Variants in IGHMBP2 observed in about 807,000 individuals in gnomAD.
The protein encoded by IGHMBP2 is immunoglobulin mu DNA binding protein 2.
Under a neutral mutation model 96.0 loss-of-function variants are expected in IGHMBP2, and 81 were observed. The observed-to-expected ratio is 0.84, with a 90% confidence interval of 0.71 to 1.01. The LOEUF is 1.01. Ranked by LOEUF, IGHMBP2 falls within the 50% of genes least tolerant of loss-of-function variation. The pLI is 0.00. For missense variants in IGHMBP2, 1,227 were observed against 1,306.3 expected, an observed-to-expected ratio of 0.94 and a Z score of 0.94; for synonymous variants, 557 against 548.9, an observed-to-expected ratio of 1.01 and a Z score of -0.21.
At position 68,903,961 on chromosome 11, in the gene IGHMBP2, G is replaced by A. The variant is rs1324605518; in HGVS notation, c.9G>A (p.Ser3=). 6.4e-7 allele frequency: 1 copy of A among 1,563,026 alleles called. No homozygotes were observed. The highest frequency in any genetic ancestry group is 8.7e-7 in the Non-Finnish European group (1 of 1,153,848). Residue 3 remains serine, a synonymous_variant, in exon 1 of 15, where the codon TCG becomes TCA. Transcript: ENST00000255078. ...CCAGGCCGGCGGCGGCGATGGCCTC[G>A]GCAGCTGTGGAGAGCTTCGTGACCA... MA[S]AAVESFVTKQ... is the part of the protein sequence containing the mutation.
intron 7 of IGHMBP2, among the ~76,000 whole-genome samples, chr11:68,925,572 C>A (rs1463362002): frequency 1.3e-5 from 2 of 152,138 alleles, no homozygotes; most frequent in African/African-American, 4.8e-5. Flanking sequence ...ATGTAGTTGC[C>A]TTTATTTCTT....
At chr11:68,920,556 C>A (rs1057021244) in intron 7 of IGHMBP2, among the ~76,000 whole-genome samples, 4 of 152,360 alleles carry the variant, frequency 2.6e-5, no homozygotes, top group African/African-American at 9.6e-5. Context: ...AATCATGGCT[C>A]CCTGCAGCCT....
chr11:68,936,199 C>T, intron 12 of IGHMBP2, 38 bp from the exon 13 acceptor site: 1 of 1,610,884 alleles, frequency 6.2e-7, no homozygotes, highest in Middle Eastern at 1.7e-4. Flanking sequence ...GTTTCTTAGT[C>T]TGAAACCTGC....
intron 14 of IGHMBP2, among the ~76,000 whole-genome samples, chr11:68,938,795 A>C (rs1178023366): frequency 6.6e-6 from 1 of 152,092 alleles, no homozygotes; most frequent in African/African-American, 2.4e-5. Flanking sequence ...CGAGGTCTGA[A>C]CCAGCCTTGT....
rs1859249909 is a variant in IGHMBP2, at chr11:68,930,517, G to A, written c.1235+1160G>A. ...TTGGAAATAAAGATGGTGGAAGAAA[G>A]AGGAGTGCTGAGGAAAGGTGCTCTG... On this transcript the variant is annotated intron_variant, in intron 8 of 14. Transcript: ENST00000255078. 4 of 1,259,118 alleles carry A rather than the reference G, an allele frequency of 3.2e-6. No individual in the cohort carries two copies. The East Asian group carries it at 2.3e-4, about 72-fold the overall frequency. 78.0% of individuals were successfully genotyped at this position (1,259,118 alleles called of 1,614,324 possible).
rs143241831 is a variant in IGHMBP2 at position 68,906,376 on chromosome 11, A to G, written c.256+138A>G. ...TGAAGAACTCTTAATCAGAAGTCCA[A>G]CAATTGATGTGGGTTTTAGTTGTCT... On this transcript the variant is annotated intron_variant, in intron 2 of 14. Coordinates refer to ENST00000255078, the MANE Select transcript of IGHMBP2 (RefSeq NM_002180.3). 517 of 950,428 alleles carry G rather than the reference A, an allele frequency of 5.4e-4. 3 individuals carry two copies. In the African/African-American group the frequency reaches 7.3e-3, roughly 13 times the overall value. The allele number at this position is 950,428 out of a possible 1,614,324, so 58.9% of individuals were successfully genotyped here. A position where few individuals can be genotyped will look rare whatever the true frequency, so the allele number is the denominator to read the frequency against.
intron 6 of IGHMBP2, among the ~76,000 whole-genome samples, chr11:68,917,350 T>G (rs1045209668): frequency 2.0e-5 from 3 of 152,142 alleles, no homozygotes; most frequent in Admixed American, 6.5e-5. Flanking sequence ...TTTAATCTCT[T>G]GAAAAATGTA....
At chr11:68,905,991 TTC>T in intron 1 of IGHMBP2, 76 bp from the exon 2 acceptor site, 1 of 1,400,586 alleles carries the variant, frequency 7.1e-7, no homozygotes. Flanking sequence ...CTATGTTTCT[TTC>T]TCTTTTACTT....
chr11:68,935,934 T>G (rs1285067860), intron 12 of IGHMBP2, among the ~76,000 whole-genome samples: 3 of 152,130 alleles, frequency 2.0e-5, no homozygotes, highest in Non-Finnish European at 4.4e-5. Flanking sequence ...CTGGAAGGTT[T>G]CTTGTGCTTT....
At position 68,935,430 on chromosome 11, in the gene IGHMBP2, G is replaced by A; in HGVS notation, c.1756+8G>A. On this transcript the variant is annotated splice_region_variant and intron_variant, in intron 12 of 14. Transcript: ENST00000255078. ...TCAGATCCAACAGGAAAGGTACGGAGCCCTCGCCAGAGTCCTTTGGGGACA... is the reference window on the plus strand; with the variant it reads ...TCAGATCCAACAGGAAAGGTACGGAACCCTCGCCAGAGTCCTTTGGGGACA... 1 of 1,613,912 alleles carries A rather than the reference G, an allele frequency of 6.2e-7. No homozygotes were observed. The highest frequency in any genetic ancestry group is 1.1e-5 in the South Asian group (1 of 91,082).
intron 1 of IGHMBP2, among the ~76,000 whole-genome samples, chr11:68,904,283 C>G (rs568519476): frequency 2.1e-4 from 32 of 152,312 alleles, no homozygotes; most frequent in African/African-American, 7.0e-4. Flanking sequence ...CGAGACCCCC[C>G]ACTAAGCTTA....
chr11:68,939,725 GAC>G lies in IGHMBP2; in HGVS notation c.2977_2978del (p.Thr993ValfsTer16), dbSNP rs1859681770. ...GGACCAGCCGGAGGAAGGAGAGGGG[GAC>G]GTGACCGGCCGCATCCTTGCACGCC... is the stretch of plus-strand genomic sequence containing the variant. ...QRTSRRKERG[T>X] On this transcript the variant is annotated frameshift_variant, in exon 15 of 15. Coordinates refer to ENST00000255078, the MANE Select transcript of IGHMBP2 (RefSeq NM_002180.3). LOFTEE classifies it high-confidence loss of function. The G allele has an allele frequency of 6.2e-7, 1 of 1,608,472 alleles. No homozygotes were observed. The highest frequency in any genetic ancestry group is 8.5e-7 in the Non-Finnish European group (1 of 1,178,224).
At chr11:68,935,633 G>A (rs1859496868) in intron 12 of IGHMBP2, among the ~76,000 whole-genome samples, 1 of 152,186 alleles carries the variant, frequency 6.6e-6, no homozygotes, top group South Asian at 2.1e-4. Flanking sequence ...GGGAGCAGGT[G>A]GCTGGGGTGG....
rs373828321 is a variant in IGHMBP2, at chr11:68,934,478, G to A, written c.1552G>A (p.Val518Ile). The change falls in exon 11 of 15, where the codon GTC becomes ATC. Residue 518 changes from valine to isoleucine, a missense_variant. Physicochemically the swap from Val to Ile is conservative, Grantham distance 29 (BLOSUM62 3). Transcript: ENST00000255078. Reference sequence around the variant, plus strand: ...TTTCCCTCCAGGCGAAGTCCGCCTCGTCAGTTTGCACATCCAGGCTCTGGT... The same window carrying A: ...TTTCCCTCCAGGCGAAGTCCGCCTCATCAGTTTGCACATCCAGGCTCTGGT... ...SKGNPGEVRL[V>I]SLHIQALVDA... 1.2e-5 allele frequency: 20 copies of A among 1,610,412 alleles called. No individual in the cohort carries two copies. The highest frequency in any genetic ancestry group is 6.7e-5 in the East Asian group (3 of 44,760).
At chr11:68,911,625 C>G in intron 5 of IGHMBP2, 22 bp downstream of exon 5, 1 of 1,612,360 alleles carries the variant, frequency 6.2e-7, no homozygotes, top group Non-Finnish European at 8.5e-7. Flanking sequence ...ATGCCACTTC[C>G]CTGTCAGAGC....
At chr11:68,921,113 A>G (rs1424799195) in intron 7 of IGHMBP2, among the ~76,000 whole-genome samples, 1 of 151,014 alleles carries the variant, frequency 6.6e-6, no homozygotes, top group Non-Finnish European at 1.5e-5. Flanking sequence ...CCAGTTTGAC[A>G]GTTTCTGCCG....
intron 6 of IGHMBP2, 118 bp downstream of exon 6, chr11:68,915,141 T>TA: frequency 1.6e-6 from 1 of 641,262 alleles, no homozygotes; most frequent in Non-Finnish European, 2.6e-6. Flanking sequence ...TCGATTCCTT[T>TA]AATAATTTTA....
At chr11:68,917,665 C>T in intron 6 of IGHMBP2, 71 bp from the exon 7 acceptor site, 1 of 1,265,342 alleles carries the variant, frequency 7.9e-7, no homozygotes, top group South Asian at 1.2e-5. Context: ...GATAGAAGCA[C>T]TTCATAAATA....
At chr11:68,908,087 G>A in intron 2 of IGHMBP2, 58 bp from the exon 3 acceptor site, 1 of 1,339,194 alleles carries the variant, frequency 7.5e-7, no homozygotes, top group Middle Eastern at 2.2e-4. Context: ...TTTTATTACA[G>A]AAAATGATAT....
Sources: gnomAD v4.1 joint callset for allele counts (sites outside exome capture counted in the v4.1 genomes callset) on GRCh38, gnomAD v4.1.1 for gene constraint, MANE v1.5 for transcripts, NCBI Gene and HGNC (gene_info 2026-07-23, HGNC 2026-07-21) for gene names.